FANCC: variants seen among roughly 807,000 people sequenced by gnomAD.
FANCC encodes the protein Fanconi anemia group C protein.
FANCC carries 55 observed loss-of-function variants against 71.3 expected under a neutral mutation model. The observed-to-expected ratio is 0.77, with a 90% CI of 0.62 to 0.97. FANCC has a LOEUF of 0.97. Ranked by LOEUF, FANCC falls within the 50% of genes least tolerant of loss-of-function variation. FANCC has a pLI of 0.00. For missense variants in FANCC, 678 were observed against 670.9 expected (o/e 1.01, Z -0.12); for synonymous variants, 275 against 244.9 (o/e 1.12, Z -1.15).
At chr9:95,288,274 A>G (rs564680365) in intron 1 of FANCC, among the ~76,000 whole-genome samples, 2 of 152,352 alleles carry the variant, frequency 1.3e-5, no homozygotes, top group Admixed American at 6.5e-5. Flanking sequence ...TTTGTTCTAT[A>G]TAACATGATG....
At chr9:95,127,387 C>T (rs1234251978) in intron 8 of FANCC, 2 of 152,370 alleles carry the variant, frequency 1.3e-5, no homozygotes, top group African/African-American at 2.4e-5. Context: ...GTACCGGTTT[C>T]TTGGAAGGCA....
chr9:95,235,635 G>A (rs138525504), intron 4 of FANCC, among the ~76,000 whole-genome samples: 8 of 151,872 alleles, frequency 5.3e-5, no homozygotes, highest in Admixed American at 3.9e-4. Context: ...ACGTGAGGTC[G>A]GGAGTTTGAG....
chr9:95,210,100 CAT>C (rs1828396415), intron 4 of FANCC, among the ~76,000 whole-genome samples: 2 of 152,078 alleles, frequency 1.3e-5, no homozygotes, highest in African/African-American at 4.8e-5. Context: ...CAGAAGAATA[CAT>C]GTCATTATAT....
At chr9:95,263,953 T>C (rs916609836) in intron 1 of FANCC, among the ~76,000 whole-genome samples, 1 of 152,208 alleles carries the variant, frequency 6.6e-6, no homozygotes, top group Non-Finnish European at 1.5e-5. Flanking sequence ...GAGTTCACTT[T>C]TTTCCATATC....
rs375921240 is a variant in FANCC, at chr9:95,247,491, A to C, written c.191T>G (p.Phe64Cys). Residue 64 changes from phenylalanine (F) to cysteine (C), a missense_variant, in exon 3 of 15, where the codon TTC becomes TGC. By Grantham distance (205) the Phe-to-Cys change is radical (BLOSUM62 -2). Transcript: ENST00000289081. ...TGCCAACAGTTGACCAATTGTGGGG[A>C]ATCTTTCAATGACTGTATTAGAATC... ...EMDSNTVIER[F>C]PTIGQLLAKA... The C allele has an allele frequency of 9.3e-6, 15 of 1,613,540 alleles. No individual in the cohort carries two copies. Among genetic ancestry groups the C allele is most frequent in the Non-Finnish European group, 1.2e-5 (14 of 1,179,694 alleles).
chr9:95,271,129 T>C (rs1053055243), intron 1 of FANCC, among the ~76,000 whole-genome samples: 4 of 152,142 alleles, frequency 2.6e-5, no homozygotes, highest in African/African-American at 7.2e-5. Context: ...GGGAGAAGGA[T>C]GTCACTGGCA....
chr9:95,250,639 A>G (rs1397578633), intron 1 of FANCC, among the ~76,000 whole-genome samples: 1 of 152,244 alleles, frequency 6.6e-6, no homozygotes, highest in African/African-American at 2.4e-5. Flanking sequence ...AATCTAGATA[A>G]TGTCCATGCC....
intron 4 of FANCC, among the ~76,000 whole-genome samples, chr9:95,231,755 A>T (rs1830023816): frequency 6.6e-6 from 1 of 152,222 alleles, no homozygotes; most frequent in Non-Finnish European, 1.5e-5. Context: ...AAAGAGAGGG[A>T]TATTTTAAAA....
rs2071067914 is a variant in FANCC at position 95,101,410 on chromosome 9, A to T, written c.*297T>A. On this transcript the variant is annotated 3_prime_UTR_variant, in exon 15 of 15. Transcript: ENST00000289081. The stretch of plus-strand genomic sequence containing the variant: ...GTAAAAACTAGAAACCTGTTCTCCC[A>T]CCCAGGCCTTTGCTTTAGTAATTAT... The T allele has an allele frequency of 4.2e-6, 2 of 480,254 alleles. No individual in the cohort carries two copies. Among genetic ancestry groups the T allele is most frequent in the African/African-American group, 1.9e-5 (1 of 52,202 alleles). 29.7% of individuals were successfully genotyped at this position (480,254 alleles called of 1,614,324 possible). A position where few individuals can be genotyped will look rare whatever the true frequency, so the allele number is the denominator to read the frequency against.
chr9:95,226,998 G>T (rs939438315), intron 4 of FANCC, among the ~76,000 whole-genome samples: 3 of 152,112 alleles, frequency 2.0e-5, no homozygotes, highest in Non-Finnish European at 4.4e-5. Flanking sequence ...TGTGGAGACT[G>T]CAGTGCAGCT....
rs61648861 is a variant in FANCC at position 95,243,628 on chromosome 9, C to CAAA, written c.251-2888_251-2886dup. ...TGAAACCCCATCTCTACTAAAAATACAAAAAAAAAAAACAGATTAGCTGGG... is the reference window on the plus strand; with the variant it reads ...TGAAACCCCATCTCTACTAAAAATACAAAAAAAAAAAAAAACAGATTAGCTGGG... On this transcript the variant is annotated intron_variant, in intron 3 of 14. Transcript: ENST00000289081. 3.3e-3 allele frequency among the ~76,000 whole-genome samples: 455 copies of CAAA among 136,226 alleles called. 1 individual carries two copies. Among genetic ancestry groups the CAAA allele is most frequent in the African/African-American group, 0.012 (441 of 37,750 alleles). 89.4% of individuals were successfully genotyped at this position (136,226 alleles called of 152,430 possible).
At chr9:95,133,555 T>C (rs1310582609) in intron 8 of FANCC, among the ~76,000 whole-genome samples, 1 of 152,226 alleles carries the variant, frequency 6.6e-6, no homozygotes, top group Non-Finnish European at 1.5e-5. Context: ...TTGCATCTGC[T>C]GTGCTCACCA....
chr9:95,133,508 A>G (rs544691013), intron 8 of FANCC, among the ~76,000 whole-genome samples: 1 of 152,366 alleles, frequency 6.6e-6, no homozygotes, highest in Admixed American at 6.5e-5. Flanking sequence ...TGAGCATTAT[A>G]CAGTTATGTG....
At chr9:95,154,379 C>A (rs1020868333) in intron 6 of FANCC, among the ~76,000 whole-genome samples, 1 of 151,478 alleles carries the variant, frequency 6.6e-6, no homozygotes, top group African/African-American at 2.4e-5. Flanking sequence ...CTGGTAGCAA[C>A]GTGCTACCAT....
chr9:95,180,339 C>CTTTTTT (rs34697587), intron 4 of FANCC, among the ~76,000 whole-genome samples: 3 of 82,186 alleles, frequency 3.7e-5, no homozygotes, highest in Admixed American at 1.6e-4. Context: ...ACAGTTAACT[C>CTTTTTT]TTTTTTTTTT....
chr9:95,317,303 GCCACCTTCCGCCTC>G (rs1442744850), intron 1 of FANCC: 1 of 48,126 alleles, frequency 2.1e-5, no homozygotes, highest in East Asian at 5.9e-4. Flanking sequence ...GGCACCGCCC[GCCACCTTCCGCCTC>G]CCGCCTCCCG....
chr9:95,272,399 T>C (rs1174343214), intron 1 of FANCC, among the ~76,000 whole-genome samples: 2 of 152,194 alleles, frequency 1.3e-5, no homozygotes, highest in African/African-American at 4.8e-5. Flanking sequence ...TAGGTTGGGA[T>C]GGAACACATC....
At position 95,246,312 on chromosome 9, in the gene FANCC, C is replaced by T. The variant is rs528668888; in HGVS notation, c.250+1120G>A. On this transcript the variant is annotated intron_variant, in intron 3 of 14. Transcript: ENST00000289081. ...GGCTGAGTGTGTGGGCGTCCACGCACGCCTGCTCACAGGGCTAAACACACA... is the reference window on the plus strand; with the variant it reads ...GGCTGAGTGTGTGGGCGTCCACGCATGCCTGCTCACAGGGCTAAACACACA... 6.6e-4 allele frequency among the ~76,000 whole-genome samples: 101 copies of T among 152,300 alleles called. 1 individual carries two copies. Among genetic ancestry groups the T allele is most frequent in the African/African-American group, 2.2e-3 (90 of 41,564 alleles).
At chr9:95,289,824 A>T (rs1338740287) in intron 1 of FANCC, among the ~76,000 whole-genome samples, 1 of 151,798 alleles carries the variant, frequency 6.6e-6, no homozygotes, top group East Asian at 1.9e-4. Flanking sequence ...CTAATCTGAT[A>T]TTATTTTTAT....
Sources: allele counts gnomAD v4.1 joint callset (sites outside exome capture counted in the v4.1 genomes callset), GRCh38; gene constraint gnomAD v4.1.1; transcripts MANE v1.5; gene names NCBI Gene and HGNC (gene_info 2026-07-23, HGNC 2026-07-21).